GALNT14: variants seen among roughly 807,000 people sequenced by gnomAD.
GALNT14 encodes UDP-GalNAc:polypeptide N-acetylgalactosaminyltransferase 14.
GALNT14 carries 60 observed loss-of-function variants against 77.5 expected under a neutral mutation model. The observed-to-expected ratio is 0.77, with a 90% CI of 0.63 to 0.96. The LOEUF (loss-of-function observed/expected upper bound fraction) is 0.96. Ranked by LOEUF, GALNT14 falls within the 40% of genes least tolerant of loss-of-function variation. The probability of loss-of-function intolerance (pLI) is 0.00; values close to 1 mark genes in which losing one functional copy is unlikely to be tolerated. For synonymous variants in GALNT14, 280 were observed against 281.7 expected, an observed-to-expected ratio of 0.99 and a Z score of 0.06; for missense variants, 710 against 731.0, an observed-to-expected ratio of 0.97 and a Z score of 0.33.
At chr2:31,103,427 C>T (rs1033327877) in intron 1 of GALNT14, among the ~76,000 whole-genome samples, 1 of 151,844 alleles carries the variant, frequency 6.6e-6, no homozygotes, top group African/African-American at 2.4e-5. Context: ...TACATCCTGA[C>T]AGCCAGTTGT....
Position 30,989,583 on chromosome 2 carries a change from A to ATAAAT in GALNT14, c.299+3254_299+3255insATTTA, listed in dbSNP as rs56703340. ...CCTTATATATATATATATATATATA[A>ATAAAT]AAATATATATATTAGTAGATATATA... On this transcript the variant is annotated intron_variant, in intron 2 of 14. Transcript: ENST00000349752. Among the ~76,000 whole-genome samples, 159 of 91,840 alleles carry ATAAAT rather than the reference A, an allele frequency of 1.7e-3. 1 individual carries two copies. The highest frequency in any genetic ancestry group is 6.5e-3 in the African/African-American group (154 of 23,530). The allele number at this position is 91,840 out of a possible 152,430, so 60.3% of individuals were successfully genotyped here.
chr2:31,121,445 C>T (rs1360316476), intron 1 of GALNT14, among the ~76,000 whole-genome samples: 1 of 152,106 alleles, frequency 6.6e-6, no homozygotes, highest in East Asian at 1.9e-4. Context: ...ACAATAAAAC[C>T]CTTAAACCCA....
intron 1 of GALNT14, among the ~76,000 whole-genome samples, chr2:31,066,887 A>G (rs1203155083): frequency 3.3e-5 from 5 of 152,076 alleles, no homozygotes; most frequent in Admixed American, 3.3e-4. Flanking sequence ...TGGAAAATGC[A>G]ATTTCCAGAC....
At chr2:30,925,664 T>C (rs1665326547) in intron 11 of GALNT14, among the ~76,000 whole-genome samples, 2 of 152,052 alleles carry the variant, frequency 1.3e-5, no homozygotes, top group Admixed American at 1.3e-4. Context: ...GTATGGGTGG[T>C]GATTTGGAAG....
chr2:31,010,528 T>C lies in GALNT14; in HGVS notation c.130-17521A>G, dbSNP rs907195792. Among the ~76,000 whole-genome samples the C allele has an allele frequency of 9.2e-5, 14 of 152,302 alleles. No individual in the cohort carries two copies. In the East Asian group the frequency reaches 2.7e-3, roughly 29 times the overall value. ...TACTTGGGAGGCTGAGGCAGGAGAA[T>C]GGCGTGAACCCGGGAGGTGGAGCTT... On this transcript the variant is annotated intron_variant, in intron 1 of 14. Coordinates refer to ENST00000349752, the MANE Select transcript of GALNT14 (RefSeq NM_024572.4).
chr2:30,930,254 C>T (rs57518096), intron 10 of GALNT14, among the ~76,000 whole-genome samples: 1,777 of 152,304 alleles, frequency 0.012, 36 homozygotes, highest in African/African-American at 0.037. Context: ...TGGCTGTCCT[C>T]GGGCTCTTGC....
chr2:31,062,943 C>CTAGGTATATAATT (rs1674697282), intron 1 of GALNT14, among the ~76,000 whole-genome samples: 2 of 152,048 alleles, frequency 1.3e-5, no homozygotes, highest in Non-Finnish European at 2.9e-5. Flanking sequence ...GCTTACGTTC[C>CTAGGTATATAATT]TTGTAGATTC....
chr2:30,955,630 G>A lies in GALNT14; in HGVS notation c.642C>T (p.His214=). The change falls in exon 6 of 15, where the codon CAC becomes CAT. Residue 214 remains histidine (H), a synonymous_variant. Coordinates refer to ENST00000349752, the MANE Select transcript of GALNT14 (RefSeq NM_024572.4). The part of the protein sequence containing the change: ...VNRDWLQPLL[H]RVKEDYTRVV... ...CAGCCTCACTCACCTCTTTGACCCT[G>A]TGCAACAGAGGCTGGAGCCAGTCCC... 1 of 1,614,130 alleles carries A rather than the reference G, an allele frequency of 6.2e-7. No individual in the cohort carries two copies.
At chr2:31,123,078 A>C (rs1442159936) in intron 1 of GALNT14, among the ~76,000 whole-genome samples, 1 of 147,022 alleles carries the variant, frequency 6.8e-6, no homozygotes, top group East Asian at 2.2e-4. Flanking sequence ...GCTACTCGGG[A>C]GGCTGAGGTA....
chr2:30,926,054 A>T (rs751383254), intron 11 of GALNT14, among the ~76,000 whole-genome samples: 3 of 152,142 alleles, frequency 2.0e-5, no homozygotes, highest in Non-Finnish European at 4.4e-5. Flanking sequence ...TGTCCAACTC[A>T]CTTCCTTCCA....
chr2:31,124,914 C>T (rs1193101555), intron 1 of GALNT14, among the ~76,000 whole-genome samples: 2 of 150,006 alleles, frequency 1.3e-5, no homozygotes, highest in Admixed American at 1.3e-4. Flanking sequence ...GACTCCTGGC[C>T]AATAACGGAG....
At chr2:31,039,343 C>T (rs1483380648) in intron 1 of GALNT14, among the ~76,000 whole-genome samples, 1 of 152,214 alleles carries the variant, frequency 6.6e-6, no homozygotes, top group African/African-American at 2.4e-5. Context: ...CTTAGCACTT[C>T]TCAGTTTGCA....
chr2:31,123,181 C>CAAAAAA (rs11397679), intron 1 of GALNT14, among the ~76,000 whole-genome samples: 2 of 96,860 alleles, frequency 2.1e-5, no homozygotes, highest in Non-Finnish European at 1.9e-5. Context: ...GACTCCATCT[C>CAAAAAA]AAAAAAAAAA....
At chr2:30,948,075 C>T (rs560180064) in intron 6 of GALNT14, among the ~76,000 whole-genome samples, 1 of 152,328 alleles carries the variant, frequency 6.6e-6, no homozygotes, top group Non-Finnish European at 1.5e-5. Context: ...ATACTGCAGG[C>T]ACACAAACAC....
chr2:30,915,310 G>A (rs1025199086), intron 13 of GALNT14, among the ~76,000 whole-genome samples: 5 of 152,090 alleles, frequency 3.3e-5, no homozygotes, highest in African/African-American at 9.7e-5. Flanking sequence ...TCCCCAGGCC[G>A]GGACTTGATG....
At chr2:31,117,153 G>T (rs189754081) in intron 1 of GALNT14, among the ~76,000 whole-genome samples, 2 of 152,130 alleles carry the variant, frequency 1.3e-5, no homozygotes, top group Admixed American at 6.5e-5. Context: ...ATTTTGAAAA[G>T]TAGAGATTTG....
intron 1 of GALNT14, among the ~76,000 whole-genome samples, chr2:31,072,261 TCTCACACACA>T (rs1318876608): frequency 1.3e-5 from 1 of 74,930 alleles, no homozygotes; most frequent in African/African-American, 5.7e-5. Flanking sequence ...TTTCTCTCTC[TCTCACACACA>T]CACACACACA....
chr2:31,120,288 C>G (rs891288873), intron 1 of GALNT14, among the ~76,000 whole-genome samples: 1 of 151,752 alleles, frequency 6.6e-6, no homozygotes, highest in African/African-American at 2.4e-5. Flanking sequence ...TAATAACAAC[C>G]AAAACAGATC....
chr2:30,908,163 C>T (rs1214750742), downstream of GALNT14, among the ~76,000 whole-genome samples: 2 of 144,804 alleles, frequency 1.4e-5, no homozygotes, highest in Non-Finnish European at 3.0e-5. Context: ...GACAGGGATG[C>T]CCTCTCTCAC....
Sources: gnomAD v4.1 joint callset for allele counts (sites outside exome capture counted in the v4.1 genomes callset) on GRCh38, gnomAD v4.1.1 for gene constraint, MANE v1.5 for transcripts, NCBI Gene and HGNC (gene_info 2026-07-23, HGNC 2026-07-21) for gene names.